The following CD2AP variants were observed in gnomAD, a reference collection of about 807,000 sequenced individuals.
CD2AP encodes the protein CD2 associated protein.
CD2AP carries 46 observed loss-of-function variants against 85.1 expected under a neutral mutation model. The observed-to-expected ratio is 0.54, with a 90% CI of 0.43 to 0.69. The LOEUF is 0.69. CD2AP is among the 30% of genes least tolerant of loss of function. The pLI, the probability that CD2AP is intolerant of heterozygous loss-of-function variation, is 0.00. For missense variants in CD2AP, 769 were observed against 729.5 expected (o/e 1.05, Z -0.62); for synonymous variants, 255 against 252.9 (o/e 1.01, Z -0.08).
chr6:47,607,936 A>G lies in CD2AP; in HGVS notation c.1540A>G (p.Ser514Gly), dbSNP rs1169575788. 5.3e-5 allele frequency: 86 copies of G among 1,611,438 alleles called. No individual in the cohort carries two copies. The highest frequency in any genetic ancestry group is 7.3e-5 in the Non-Finnish European group (86 of 1,178,282). ...RFNGGHSPTH[S>G]PEKILKLPKE... ...CTAAAAAATCATTTAGCCAACTCAC[A>G]GCCCCGAAAAAATCTTGAAGTTACC... Residue 514 changes from serine (S) to glycine (G), a missense_variant, in exon 15 of 18, where the codon AGC becomes GGC. Ser to Gly is a moderately conservative substitution (Grantham distance 56, BLOSUM62 0). Coordinates refer to ENST00000359314, the MANE Select transcript of CD2AP (RefSeq NM_012120.3).
chr6:47,593,354 T>C (rs1768853396), intron 11 of CD2AP, among the ~76,000 whole-genome samples: 1 of 152,176 alleles, frequency 6.6e-6, no homozygotes, highest in Admixed American at 6.6e-5. Flanking sequence ...ATCTGGAATA[T>C]GTAAAGGACT....
chr6:47,482,380 C>CTTTTTTTTTTTTTTT (rs531967845), intron 1 of CD2AP, among the ~76,000 whole-genome samples: 1 of 133,492 alleles, frequency 7.5e-6, no homozygotes, highest in African/African-American at 2.7e-5. Context: ...TTTTTTTTGT[C>CTTTTTTTTTTTTTTT]TTTTTTTTTT....
At chr6:47,570,319 T>A (rs1768114580) in intron 5 of CD2AP, among the ~76,000 whole-genome samples, 1 of 152,166 alleles carries the variant, frequency 6.6e-6, no homozygotes. Flanking sequence ...TTAGGCTCGA[T>A]AGACAGATTT....
At chr6:47,609,102 A>ATTT in intron 15 of CD2AP, 21 bp from the exon 16 acceptor site, 1 of 1,467,830 alleles carries the variant, frequency 6.8e-7, no homozygotes. Flanking sequence ...AAAATCAGAA[A>ATTT]TTTTTTTTTT....
chr6:47,517,305 C>T (rs923581155), intron 2 of CD2AP, among the ~76,000 whole-genome samples: 8 of 145,342 alleles, frequency 5.5e-5, no homozygotes, highest in Admixed American at 4.2e-4. Context: ...TTTTTGGAGG[C>T]GGTTTCTTAC....
intron 3 of CD2AP, 111 bp downstream of exon 3, chr6:47,533,866 C>A: frequency 9.2e-7 from 1 of 1,085,310 alleles, no homozygotes; most frequent in Admixed American, 2.2e-5. Context: ...ACTACAGTAA[C>A]TTCCTGCAAA....
At chr6:47,611,178 T>C (rs1272197618) in intron 16 of CD2AP, among the ~76,000 whole-genome samples, 1 of 150,924 alleles carries the variant, frequency 6.6e-6, no homozygotes, top group African/African-American at 2.4e-5. Context: ...AAAAGTAAGT[T>C]TCAACATCAA....
chr6:47,552,693 G>C (rs1482969828), intron 4 of CD2AP, among the ~76,000 whole-genome samples: 1 of 152,098 alleles, frequency 6.6e-6, no homozygotes, highest in Non-Finnish European at 1.5e-5. Flanking sequence ...GGGGTTCCAG[G>C]TATAGGTAAT....
chr6:47,623,460 C>T (rs563347282), intron 17 of CD2AP, among the ~76,000 whole-genome samples: 1 of 152,306 alleles, frequency 6.6e-6, no homozygotes, highest in East Asian at 1.9e-4. Flanking sequence ...AGTCCTGTGT[C>T]ACTTGTTAGT....
intron 17 of CD2AP, among the ~76,000 whole-genome samples, chr6:47,616,873 A>C (rs1769604712): frequency 6.6e-6 from 1 of 152,166 alleles, no homozygotes; most frequent in African/African-American, 2.4e-5. Context: ...CACATTTTTT[A>C]CCATTGCCAC....
chr6:47,556,055 CTTT>C (rs75174694), intron 5 of CD2AP, among the ~76,000 whole-genome samples: 4 of 129,962 alleles, frequency 3.1e-5, no homozygotes. Context: ...TTTTCCTTTT[CTTT>C]TTTTTTTTTT....
intron 13 of CD2AP, among the ~76,000 whole-genome samples, chr6:47,601,564 T>C (rs1769134557): frequency 6.6e-6 from 1 of 152,032 alleles, no homozygotes; most frequent in Non-Finnish European, 1.5e-5. Context: ...ATAAAAGGCA[T>C]AATTGATGGA....
At position 47,481,250 on chromosome 6, in the gene CD2AP, T is replaced by G. The variant is rs190962305; in HGVS notation, c.4+3002T>G. On this transcript the variant is annotated intron_variant, in intron 1 of 17. Transcript: ENST00000359314. ...GTAAGCAGACTTCTAAGGGCAGAAT[T>G]TCTCTTTAATAATTTTAGATAAGGC... 2.0e-5 allele frequency among the ~76,000 whole-genome samples: 3 copies of G among 152,322 alleles called. No individual in the cohort carries two copies. The East Asian group carries it at 5.8e-4, about 29-fold the overall frequency.
At chr6:47,566,323 T>TATATATACAC in intron 5 of CD2AP, among the ~76,000 whole-genome samples, 5 of 108,388 alleles carry the variant, frequency 4.6e-5, no homozygotes, top group African/African-American at 1.5e-4. Context: ...TATATATATA[T>TATATATACAC]ACACATACAC....
At chr6:47,562,979 C>T (rs1931825) in intron 5 of CD2AP, 122,397 of 455,038 alleles carry the variant, frequency 0.27, 19,469 homozygotes, top group East Asian at 0.6. Flanking sequence ...AAGAATCTTA[C>T]GCCCAGTATG....
At chr6:47,496,649 T>C (rs1285277206) in intron 1 of CD2AP, among the ~76,000 whole-genome samples, 1 of 152,178 alleles carries the variant, frequency 6.6e-6, no homozygotes, top group Admixed American at 6.5e-5. Flanking sequence ...TATACAAATA[T>C]AAAAAATACT....
chr6:47,618,602 G>T (rs1035326462), intron 17 of CD2AP, among the ~76,000 whole-genome samples: 1 of 152,106 alleles, frequency 6.6e-6, no homozygotes, highest in African/African-American at 2.4e-5. Context: ...TAGAAATTGA[G>T]AAATTTTTAA....
chr6:47,512,273 C>T (rs1423582482), intron 2 of CD2AP, among the ~76,000 whole-genome samples: 3 of 152,152 alleles, frequency 2.0e-5, no homozygotes, highest in East Asian at 1.9e-4. Context: ...ACGTGGGAGG[C>T]GGAGGTTGCA....
intron 14 of CD2AP, 47 bp downstream of exon 14, chr6:47,606,324 A>G (rs969578354): frequency 2.4e-5 from 26 of 1,082,774 alleles, no homozygotes; most frequent in Non-Finnish European, 3.7e-5. Flanking sequence ...TAGCAAATGC[A>G]GAGTCCATTG....
Sources: allele counts gnomAD v4.1 joint callset (sites outside exome capture counted in the v4.1 genomes callset), GRCh38; gene constraint gnomAD v4.1.1; transcripts MANE v1.5; gene names NCBI Gene and HGNC (gene_info 2026-07-23, HGNC 2026-07-21).